Variants in NTRK3 observed in about 807,000 individuals in gnomAD.
The protein encoded by NTRK3 is NT-3 growth factor receptor.
In NTRK3, 24 loss-of-function variants were observed where a neutral mutation model predicts 91.7. The ratio of observed to expected loss-of-function variants is 0.26; its 90% CI spans 0.19 to 0.37. The LOEUF is 0.37. Ranked by LOEUF, NTRK3 falls within the 10% of genes least tolerant of loss-of-function variation. The pLI, the probability that NTRK3 is intolerant of heterozygous loss-of-function variation, is 1.00. For synonymous variants in NTRK3, 483 were observed against 404.0 expected (o/e 1.20, Z -2.34); for missense variants, 880 against 1,068.9 (o/e 0.82, Z 2.46).
intron 13 of NTRK3, among the ~76,000 whole-genome samples, chr15:88,068,347 C>T (rs556683193): frequency 1.3e-5 from 2 of 152,112 alleles, no homozygotes; most frequent in Admixed American, 6.5e-5. Flanking sequence ...AAGAGAATTG[C>T]TTGAACCCGG....
At chr15:87,877,907 C>T (rs2065026062) in intron 18 of NTRK3, among the ~76,000 whole-genome samples, 1 of 151,956 alleles carries the variant, frequency 6.6e-6, no homozygotes, top group Admixed American at 6.6e-5. Flanking sequence ...ACTGTATGGC[C>T]CAACATACTG....
intron 14 of NTRK3, among the ~76,000 whole-genome samples, chr15:88,011,560 A>G (rs368303473): frequency 3.5e-4 from 54 of 152,242 alleles, no homozygotes; most frequent in African/African-American, 1.3e-3. Flanking sequence ...TGACTTTGGC[A>G]ATGAGGTGAA....
At chr15:88,019,526 C>A (rs540727675) in intron 14 of NTRK3, among the ~76,000 whole-genome samples, 1 of 152,318 alleles carries the variant, frequency 6.6e-6, no homozygotes, top group East Asian at 1.9e-4. Flanking sequence ...TTAAGAATGA[C>A]TGGCTTGGGA....
chr15:87,943,148 A>G (rs1292302048), intron 14 of NTRK3, among the ~76,000 whole-genome samples: 1 of 152,160 alleles, frequency 6.6e-6, no homozygotes, highest in Non-Finnish European at 1.5e-5. Flanking sequence ...GCCTGAAAAT[A>G]TGCATTTCTA....
chr15:88,093,728 A>G (rs1218720264), intron 13 of NTRK3, among the ~76,000 whole-genome samples: 3 of 152,178 alleles, frequency 2.0e-5, no homozygotes, highest in Admixed American at 6.5e-5. Flanking sequence ...ACCAGAAGAC[A>G]GGGTTCTTTC....
intron 13 of NTRK3, among the ~76,000 whole-genome samples, chr15:88,059,099 T>C (rs1351892957): frequency 2.6e-5 from 4 of 151,650 alleles, no homozygotes; most frequent in Non-Finnish European, 4.4e-5. Flanking sequence ...GCTACAGCCA[T>C]TTAGAGCTCT....
At chr15:88,162,887 T>C (rs1483834271) in intron 5 of NTRK3, among the ~76,000 whole-genome samples, 1 of 152,156 alleles carries the variant, frequency 6.6e-6, no homozygotes, top group Non-Finnish European at 1.5e-5. Context: ...CCTCTAGACC[T>C]TCTAGGTCTG....
chr15:88,134,984 T>C, intron 10 of NTRK3, 117 bp downstream of exon 10: 1 of 1,229,524 alleles, frequency 8.1e-7, no homozygotes, highest in Non-Finnish European at 1.2e-6. Flanking sequence ...GTGTGTTTTG[T>C]TGCCCATGAT....
chr15:88,232,117 T>C (rs933924831), intron 3 of NTRK3, among the ~76,000 whole-genome samples: 1 of 152,088 alleles, frequency 6.6e-6, no homozygotes, highest in Non-Finnish European at 1.5e-5. Context: ...GATCTTGCAC[T>C]TCACCCACCC....
At chr15:88,168,311 G>A (rs933273656) in intron 5 of NTRK3, among the ~76,000 whole-genome samples, 5 of 151,996 alleles carry the variant, frequency 3.3e-5, no homozygotes, top group Admixed American at 2.6e-4. Context: ...AGATTTCTGA[G>A]GGCCAAGCAG....
intron 13 of NTRK3, among the ~76,000 whole-genome samples, chr15:88,115,857 T>C (rs1311788848): frequency 6.6e-6 from 1 of 151,914 alleles, no homozygotes; most frequent in African/African-American, 2.4e-5. Context: ...CCCATGGGGC[T>C]TCCTCCGCCC....
At chr15:88,137,914 G>T (rs1272378479) in intron 6 of NTRK3, among the ~76,000 whole-genome samples, 1 of 152,130 alleles carries the variant, frequency 6.6e-6, no homozygotes, top group African/African-American at 2.4e-5. Flanking sequence ...AGCCGTGCGT[G>T]GTGGCGCACG....
At chr15:88,039,200 C>A (rs1052768450) in intron 13 of NTRK3, among the ~76,000 whole-genome samples, 1 of 151,874 alleles carries the variant, frequency 6.6e-6, no homozygotes, top group Non-Finnish European at 1.5e-5. Context: ...TACCTGTTAT[C>A]GGCCTCTCTG....
intron 14 of NTRK3, among the ~76,000 whole-genome samples, chr15:88,021,628 A>T (rs1312399938): frequency 6.6e-6 from 1 of 152,206 alleles, no homozygotes; most frequent in Non-Finnish European, 1.5e-5. Context: ...CCTTCAGAGA[A>T]CAATTTGCAA....
At chr15:87,898,131 A>G (rs979647210) in intron 17 of NTRK3, among the ~76,000 whole-genome samples, 5 of 152,226 alleles carry the variant, frequency 3.3e-5, no homozygotes, top group African/African-American at 1.2e-4. Flanking sequence ...GATTATGATC[A>G]TGTGTGTTAC....
At chr15:88,209,407 G>A (rs765933508) in intron 3 of NTRK3, among the ~76,000 whole-genome samples, 16 of 152,222 alleles carry the variant, frequency 1.1e-4, no homozygotes, top group Admixed American at 6.5e-5. Context: ...CTATTTGGAA[G>A]ACCACATGGG....
chr15:87,900,265 G>C (rs2066372030), intron 17 of NTRK3, among the ~76,000 whole-genome samples: 1 of 152,092 alleles, frequency 6.6e-6, no homozygotes, highest in African/African-American at 2.4e-5. Flanking sequence ...TTTCTAGTTG[G>C]GCCTTTCCCT....
At chr15:88,094,878 G>A (rs546278491) in intron 13 of NTRK3, among the ~76,000 whole-genome samples, 1 of 152,224 alleles carries the variant, frequency 6.6e-6, no homozygotes, top group African/African-American at 2.4e-5. Context: ...AAATTAAGCT[G>A]TTTTAACTCC....
intron 3 of NTRK3, among the ~76,000 whole-genome samples, chr15:88,236,348 G>C (rs2051734341): frequency 6.6e-6 from 1 of 152,026 alleles, no homozygotes; most frequent in South Asian, 2.1e-4. Flanking sequence ...CTATGAAGCT[G>C]TAGAAGAAGG....
Sources: gnomAD v4.1 joint callset for allele counts (sites outside exome capture counted in the v4.1 genomes callset) on GRCh38, gnomAD v4.1.1 for gene constraint, MANE v1.5 for transcripts, NCBI Gene and HGNC (gene_info 2026-07-23, HGNC 2026-07-21) for gene names.